TRAK2: variants seen among roughly 807,000 people sequenced by gnomAD.
The protein encoded by TRAK2 is trafficking kinesin protein 2.
In TRAK2, 81 loss-of-function variants were observed where a neutral mutation model predicts 104.6. The ratio of observed to expected loss-of-function variants is 0.77; its 90% confidence interval spans 0.65 to 0.93. The LOEUF (loss-of-function observed/expected upper bound fraction) is 0.93, where lower values mean the gene tolerates loss of function less well. Ranked by LOEUF, TRAK2 falls within the 40% of genes least tolerant of loss-of-function variation. TRAK2 has a pLI of 0.00. For missense variants in TRAK2, 1,002 were observed against 1,089.0 expected, an observed-to-expected ratio of 0.92 and a Z score of 1.12; for synonymous variants, 406 against 394.4, an observed-to-expected ratio of 1.03 and a Z score of -0.35.
chr2:201,412,804 C>T, intron 2 of TRAK2: 1 of 1,006,350 alleles, frequency 9.9e-7, no homozygotes. Flanking sequence ...TTTCACACTG[C>T]TATGCAAGAA....
chr2:201,448,680 T>C (rs920413714), intron 1 of TRAK2, among the ~76,000 whole-genome samples: 2 of 152,184 alleles, frequency 1.3e-5, no homozygotes, highest in Non-Finnish European at 2.9e-5. Context: ...TACTGGTATT[T>C]AACATATTTG....
chr2:201,387,935 G>T lies in TRAK2; in HGVS notation c.1464C>A (p.Arg488=). The T allele has an allele frequency of 6.2e-7, 1 of 1,614,170 alleles. No individual in the cohort carries two copies. The highest frequency in any genetic ancestry group is 8.5e-7 in the Non-Finnish European group (1 of 1,180,042). The stretch of plus-strand genomic sequence containing the variant: ...AATAGTTTTGTCGACGCAAGCTAAG[G>T]CGATGCAGTGCTGTAGCCAAATCAC... ...GDSDLATALH[R]LSLRRQNYLS... Residue 488 remains arginine (R), a synonymous_variant, in exon 13 of 16, where the codon CGC becomes CGA. Transcript: ENST00000332624.
At chr2:201,424,804 T>C (rs1951773381) in intron 1 of TRAK2, among the ~76,000 whole-genome samples, 1 of 152,004 alleles carries the variant, frequency 6.6e-6, no homozygotes, top group South Asian at 2.1e-4. Context: ...AGACGGGGTT[T>C]CACTGTGTTA....
At chr2:201,422,146 T>G (rs1294409154) in intron 1 of TRAK2, among the ~76,000 whole-genome samples, 1 of 151,860 alleles carries the variant, frequency 6.6e-6, no homozygotes, top group African/African-American at 2.4e-5. Context: ...ATGCTGTAAC[T>G]TAACAGTTCT....
chr2:201,397,489 T>A lies in TRAK2; in HGVS notation c.769+13A>T, dbSNP rs369404485. On this transcript the variant is annotated intron_variant, in intron 7 of 15. Coordinates refer to ENST00000332624, the MANE Select transcript of TRAK2 (RefSeq NM_015049.3). ...GTCCAAAAAGGTACAAAAGAGAATATGTTAATACTCACGAAGTTCTTTAAC... is the reference window on the plus strand; with the variant it reads ...GTCCAAAAAGGTACAAAAGAGAATAAGTTAATACTCACGAAGTTCTTTAAC... 1 of 1,601,404 alleles carries A rather than the reference T, an allele frequency of 6.2e-7. No individual in the cohort carries two copies. The highest frequency in any genetic ancestry group is 1.3e-5 in the African/African-American group (1 of 74,662).
chr2:201,410,742 C>A, intron 2 of TRAK2: 6 of 1,540,000 alleles, frequency 3.9e-6, no homozygotes, highest in Non-Finnish European at 5.4e-6. Flanking sequence ...ACTGATTAAG[C>A]CACTGATTTG....
At chr2:201,450,870 C>A (rs566490543) in intron 1 of TRAK2, among the ~76,000 whole-genome samples, 57 of 152,124 alleles carry the variant, frequency 3.7e-4, no homozygotes, top group African/African-American at 1.3e-3. Context: ...CTAAAGTCAG[C>A]CGTTTTTCTT....
At chr2:201,384,074 A>T (rs1951366728) in intron 15 of TRAK2, 37 bp downstream of exon 15, 1 of 1,324,862 alleles carries the variant, frequency 7.5e-7, no homozygotes, top group East Asian at 2.4e-5. Flanking sequence ...ATAGCTGAGG[A>T]AAGAAGTGAG....
At chr2:201,433,452 C>T (rs527829185) in intron 1 of TRAK2, 2 of 152,284 alleles carry the variant, frequency 1.3e-5, no homozygotes, top group East Asian at 1.9e-4. Flanking sequence ...ACATGGAGGT[C>T]GCTCTACTTA....
At chr2:201,390,563 CAAAAAAAA>C (rs566298441) in intron 10 of TRAK2, among the ~76,000 whole-genome samples, 1 of 87,226 alleles carries the variant, frequency 1.1e-5, no homozygotes, top group Middle Eastern at 6.3e-3. Flanking sequence ...GACTCCGTCT[CAAAAAAAA>C]AAAAAAAAAA....
chr2:201,441,436 T>C (rs1281041543), intron 1 of TRAK2, among the ~76,000 whole-genome samples: 1 of 152,224 alleles, frequency 6.6e-6, no homozygotes, highest in African/African-American at 2.4e-5. Flanking sequence ...AGATATCTTC[T>C]TTTAAAAACT....
At chr2:201,412,785 A>G in intron 2 of TRAK2, 1 of 1,173,226 alleles carries the variant, frequency 8.5e-7, no homozygotes, top group Non-Finnish European at 1.3e-6. Context: ...TAATATTTCC[A>G]TGTACCATTT....
chr2:201,380,544 C>T lies in TRAK2; in HGVS notation c.2744G>A (p.Ter915=). 6.2e-7 allele frequency: 1 copy of T among 1,613,034 alleles called. No homozygotes were observed. Among genetic ancestry groups the T allele is most frequent in the Non-Finnish European group, 8.5e-7 (1 of 1,179,400 alleles). ...AAAAGGTCAGTTAACTGCTGAACCT[C>T]AGTCCTCCTTCAGGACACCCATTTT... ...SPKMGVLKED[*] The change falls in exon 16 of 16, where the codon TGA becomes TAA. Residue 915 remains the stop codon, a stop_retained_variant. Transcript: ENST00000332624.
At chr2:201,436,351 A>G (rs977377068) in intron 1 of TRAK2, among the ~76,000 whole-genome samples, 3 of 152,216 alleles carry the variant, frequency 2.0e-5, no homozygotes, top group African/African-American at 7.2e-5. Context: ...CAAGTCAGAA[A>G]GAATTTTCTT....
chr2:201,411,305 T>C, intron 2 of TRAK2: 1 of 754,874 alleles, frequency 1.3e-6, no homozygotes, highest in South Asian at 1.4e-5. Flanking sequence ...GTGTAAGTGA[T>C]GCTCTTTTAT....
In TRAK2 at chr2:201,447,428, TA is replaced by T. The variant is rs1395396222; in HGVS notation, c.-200+3921del. 3.9e-5 allele frequency among the ~76,000 whole-genome samples: 6 copies of T among 152,196 alleles called. No homozygotes were observed. ...ATTTGTTAGTTTGCTAGGGGTTCCA[TA>T]AAAAACTACCACAGACTGGGTGGCT... On this transcript the variant is annotated intron_variant, in intron 1 of 15. Transcript: ENST00000332624. The surrounding 1 kb of genome is among the most constrained non-coding windows in gnomAD (Gnocchi z 4.1).
intron 1 of TRAK2, among the ~76,000 whole-genome samples, chr2:201,444,545 T>C (rs1256990981): frequency 6.6e-6 from 1 of 151,884 alleles, no homozygotes; most frequent in African/African-American, 2.4e-5. Flanking sequence ...AACTTACCAG[T>C]CTACTTGATC....
chr2:201,442,263 C>T (rs1327129965), intron 1 of TRAK2, among the ~76,000 whole-genome samples: 2 of 151,436 alleles, frequency 1.3e-5, no homozygotes, highest in Admixed American at 6.6e-5. Flanking sequence ...AGGTGGTGGG[C>T]GCCTGTAGTC....
At position 201,380,817 on chromosome 2, in the gene TRAK2, G is replaced by C; in HGVS notation, c.2471C>G (p.Pro824Arg). Residue 824 changes from proline (P) to arginine (R), a missense_variant, in exon 16 of 16, where the codon CCT becomes CGT. Pro to Arg is a moderately radical substitution (Grantham distance 103, BLOSUM62 -2). Transcript: ENST00000332624. The part of the protein sequence containing the change: ...EMYGLRPSRN[P>R]PDVGQLKMNL... The stretch of plus-strand genomic sequence containing the variant: ...CATCTTCAACTGGCCAACATCAGGA[G>C]GGTTCCGGGAGGGTCTCAAGCCATA... 2 of 1,614,110 alleles carry C rather than the reference G, an allele frequency of 1.2e-6. No individual in the cohort carries two copies. The highest frequency in any genetic ancestry group is 1.7e-6 in the Non-Finnish European group (2 of 1,180,006).
Sources: allele counts gnomAD v4.1 joint callset (sites outside exome capture counted in the v4.1 genomes callset), GRCh38; gene constraint gnomAD v4.1.1; non-coding constraint Gnocchi (gnomAD v3.1); transcripts MANE v1.5; gene names NCBI Gene and HGNC (gene_info 2026-07-23, HGNC 2026-07-21).